The following FAM120A variants were observed in gnomAD, a reference collection of about 807,000 sequenced individuals.
The protein encoded by FAM120A is constitutive coactivator of PPAR-gamma-like protein 1.
A neutral mutation model predicts 109.7 loss-of-function variants in FAM120A; 15 were observed. The observed-to-expected ratio is 0.14, with a 90% CI of 0.09 to 0.21. The LOEUF (loss-of-function observed/expected upper bound fraction) is 0.21, where lower values mean the gene tolerates loss of function less well. Ranked by LOEUF, FAM120A falls within the 10% of genes least tolerant of loss-of-function variation. The probability of loss-of-function intolerance (pLI) is 1.00; values close to 1 mark genes in which losing one functional copy is unlikely to be tolerated. For missense variants in FAM120A, 899 were observed against 1,439.3 expected, an observed-to-expected ratio of 0.62 and a Z score of 6.07; for synonymous variants, 493 against 572.8, an observed-to-expected ratio of 0.86 and a Z score of 1.99.
chr9:93,478,935 T>C (rs1477651177), intron 3 of FAM120A, among the ~76,000 whole-genome samples: 1 of 152,218 alleles, frequency 6.6e-6, no homozygotes, highest in African/African-American at 2.4e-5. Context: ...TTTTAGTCTC[T>C]TTGTTTTTCC....
At chr9:93,541,078 G>GA (rs929644139) in intron 10 of FAM120A, among the ~76,000 whole-genome samples, 1 of 1,546 alleles carries the variant, frequency 6.5e-4, no homozygotes, top group Non-Finnish European at 1.9e-3. Flanking sequence ...TGTGTGTGGT[G>GA]GGGGGTGTGT....
chr9:93,480,034 C>G (rs1329294462), intron 3 of FAM120A, among the ~76,000 whole-genome samples: 1 of 152,084 alleles, frequency 6.6e-6, no homozygotes, highest in African/African-American at 2.4e-5. Flanking sequence ...AGTAGTAGAT[C>G]GTGCTTATTA....
rs1231385417 is a variant in FAM120A, at chr9:93,498,317, C to T, written c.934-473C>T. 2.0e-5 allele frequency among the ~76,000 whole-genome samples: 3 copies of T among 152,170 alleles called. No individual in the cohort carries two copies. The highest frequency in any genetic ancestry group is 2.9e-5 in the Non-Finnish European group (2 of 68,022). ...CTGAGGCAGGAGAATCGCTTGAAAC[C>T]GTAAGGCAGAGGCTGCAGTGAGCGG... is the stretch of plus-strand genomic sequence containing the variant. On this transcript the variant is annotated intron_variant, in intron 4 of 17. Coordinates refer to ENST00000277165, the MANE Select transcript of FAM120A (RefSeq NM_014612.5). The surrounding 1 kb of genome is among the most constrained non-coding windows in gnomAD (Gnocchi z 4.4).
rs4744253 is a variant in FAM120A at position 93,516,502 on chromosome 9, T to G, written c.1418+233T>G. The stretch of plus-strand genomic sequence containing the variant: ...TCTGCACTATCCCAGCCCCATGGCC[T>G]GGAGCCACAGGAAACTTTCTGGGGA... On this transcript the variant is annotated intron_variant, in intron 7 of 17. Transcript: ENST00000277165. Among the ~76,000 whole-genome samples, 42,398 of 152,098 alleles carry G rather than the reference T, an allele frequency of 0.28. 6,990 individuals carry two copies. The highest frequency in any genetic ancestry group is 0.42 in the East Asian group (2,167 of 5,158).
At chr9:93,549,974 A>G (rs919321582) in intron 11 of FAM120A, among the ~76,000 whole-genome samples, 1 of 152,152 alleles carries the variant, frequency 6.6e-6, no homozygotes, top group Non-Finnish European at 1.5e-5. Flanking sequence ...GAAGTTGAAG[A>G]TTTGGAGATT....
At position 93,498,272 on chromosome 9, in the gene FAM120A, A is replaced by T. The variant is rs1236617822; in HGVS notation, c.934-518A>T. Among the ~76,000 whole-genome samples, 3 of 152,184 alleles carry T rather than the reference A, an allele frequency of 2.0e-5. No homozygotes were observed. The highest frequency in any genetic ancestry group is 7.2e-5 in the African/African-American group (3 of 41,442). On this transcript the variant is annotated intron_variant, in intron 4 of 17. Coordinates refer to ENST00000277165, the MANE Select transcript of FAM120A (RefSeq NM_014612.5). This position sits in a 1 kb window ranked among gnomAD's most constrained non-coding sequence, Gnocchi z 4.4. ...GCCAGGCGTGGTGGTGGGCGCCTGT[A>T]ATGCCAGCTACTCGGGATGCTGAGG...
intron 11 of FAM120A, among the ~76,000 whole-genome samples, chr9:93,545,757 A>AG (rs1861856553): frequency 6.9e-6 from 1 of 145,384 alleles, no homozygotes; most frequent in East Asian, 2.1e-4. Flanking sequence ...TTTCCATTGA[A>AG]GACTGGCTGA....
intron 3 of FAM120A, among the ~76,000 whole-genome samples, chr9:93,478,256 A>G (rs962478331): frequency 1.3e-5 from 2 of 150,442 alleles, no homozygotes; most frequent in Non-Finnish European, 2.9e-5. Flanking sequence ...CCCATATTCA[A>G]ATTTTTTCAG....
chr9:93,489,850 T>TC (rs1017429238), intron 3 of FAM120A, among the ~76,000 whole-genome samples: 1 of 152,198 alleles, frequency 6.6e-6, no homozygotes, highest in Non-Finnish European at 1.5e-5. Context: ...ATTTGGTGAT[T>TC]CTGTACCTTG....
chr9:93,489,402 G>A (rs754138132), intron 3 of FAM120A, among the ~76,000 whole-genome samples: 3 of 152,208 alleles, frequency 2.0e-5, no homozygotes, highest in African/African-American at 4.8e-5. Flanking sequence ...GGTGACCACA[G>A]TACACTACAG....
intron 3 of FAM120A, among the ~76,000 whole-genome samples, chr9:93,484,181 A>G (rs748792856): frequency 3.3e-5 from 5 of 152,042 alleles, no homozygotes; most frequent in Non-Finnish European, 7.4e-5. Flanking sequence ...TCAGCCTCCC[A>G]AGTAGCTGGG....
chr9:93,481,362 T>G (rs944775353), intron 3 of FAM120A, among the ~76,000 whole-genome samples: 12 of 152,240 alleles, frequency 7.9e-5, no homozygotes, highest in Non-Finnish European at 1.5e-4. Context: ...TGGCTTTATT[T>G]TTTTAAAAAA....
In FAM120A at chr9:93,532,262, T is replaced by C. The variant is rs767368953; in HGVS notation, c.1842T>C (p.Phe614=). 6.2e-7 allele frequency: 1 copy of C among 1,614,252 alleles called. No individual in the cohort carries two copies. Among genetic ancestry groups the C allele is most frequent in the Non-Finnish European group, 8.5e-7 (1 of 1,180,036 alleles). The change falls in exon 10 of 18, where the codon TTT becomes TTC. Residue 614 remains phenylalanine, a synonymous_variant. Coordinates refer to ENST00000277165, the MANE Select transcript of FAM120A (RefSeq NM_014612.5). This position sits in a 1 kb window ranked among gnomAD's most constrained non-coding sequence, Gnocchi z 4.3. ...GTCAGTATGTTTACGGAGTCCTGTT[T>C]AGTTTGGCAGAAAGCAGAAAGAAAA... is the stretch of plus-strand genomic sequence containing the variant. ...PVRQYVYGVL[F]SLAESRKKTE...
chr9:93,562,778 C>T lies in FAM120A; in HGVS notation c.3045+474C>T, dbSNP rs372723011. On this transcript the variant is annotated intron_variant, in intron 17 of 17. Coordinates refer to ENST00000277165, the MANE Select transcript of FAM120A (RefSeq NM_014612.5). ...TTCCCGGGTTCAAGCGATTCGCTTG[C>T]GTCAGCCTCCCGAATAGCTGGGATT... Among the ~76,000 whole-genome samples, 9 of 150,992 alleles carry T rather than the reference C, an allele frequency of 6.0e-5. No homozygotes were observed. The East Asian group carries it at 1.6e-3, about 26-fold the overall frequency.
chr9:93,523,628 C>T (rs980251250), intron 7 of FAM120A, among the ~76,000 whole-genome samples: 3 of 152,166 alleles, frequency 2.0e-5, no homozygotes, highest in Non-Finnish European at 4.4e-5. Context: ...CGTGTTGACA[C>T]AGTTAGGTGT....
At chr9:93,505,689 A>C (rs975671184) in intron 5 of FAM120A, among the ~76,000 whole-genome samples, 6 of 152,164 alleles carry the variant, frequency 3.9e-5, no homozygotes, top group Non-Finnish European at 2.9e-5. Context: ...TGTGCTGGTT[A>C]ATTTTGAGGG....
At position 93,498,390 on chromosome 9, in the gene FAM120A, C is replaced by T. The variant is rs778402264; in HGVS notation, c.934-400C>T. On this transcript the variant is annotated intron_variant, in intron 4 of 17. Coordinates refer to ENST00000277165, the MANE Select transcript of FAM120A (RefSeq NM_014612.5). This position sits in a 1 kb window ranked among gnomAD's most constrained non-coding sequence, Gnocchi z 4.4. ...CCTGGGTGAAAGAGCGAAACTCCGTCTCAGAAGAAAAAGAGAGAGCTGAAA... is the reference window on the plus strand; with the variant it reads ...CCTGGGTGAAAGAGCGAAACTCCGTTTCAGAAGAAAAAGAGAGAGCTGAAA... Among the ~76,000 whole-genome samples, 6 of 152,178 alleles carry T rather than the reference C, an allele frequency of 3.9e-5. No homozygotes were observed. Among genetic ancestry groups the T allele is most frequent in the Non-Finnish European group, 8.8e-5 (6 of 68,030 alleles).
chr9:93,479,724 T>TA (rs1214406254), intron 3 of FAM120A, among the ~76,000 whole-genome samples: 1 of 152,264 alleles, frequency 6.6e-6, no homozygotes, highest in Non-Finnish European at 1.5e-5. Flanking sequence ...TCTTTATAAG[T>TA]AGCATCCTTA....
At chr9:93,471,795 C>T (rs573554302) in intron 2 of FAM120A, among the ~76,000 whole-genome samples, 32 of 152,228 alleles carry the variant, frequency 2.1e-4, no homozygotes, top group African/African-American at 7.5e-4. Flanking sequence ...ACCTCATTTT[C>T]GGGATACTCA....
Sources: gnomAD v4.1 joint callset for allele counts (sites outside exome capture counted in the v4.1 genomes callset) on GRCh38, gnomAD v4.1.1 for gene constraint, Gnocchi (gnomAD v3.1) non-coding constraint, MANE v1.5 for transcripts, NCBI Gene and HGNC (gene_info 2026-07-23, HGNC 2026-07-21) for gene names.